The following LRRIQ1 variants were observed in gnomAD, a reference collection of about 807,000 sequenced individuals.
LRRIQ1 encodes the protein leucine-rich repeat- and IQ domain-containing protein 1.
In LRRIQ1, 210 loss-of-function variants were observed where a neutral mutation model predicts 211.9. The ratio of observed to expected loss-of-function variants is 0.99; its 90% CI spans 0.89 to 1.11. The LOEUF (loss-of-function observed/expected upper bound fraction) is 1.11, where lower values mean the gene tolerates loss of function less well. LRRIQ1 is among the 50% of genes most tolerant of loss of function. The pLI is 0.00. For synonymous variants in LRRIQ1, 699 were observed against 650.1 expected (o/e 1.08, Z -1.14); for missense variants, 2,136 against 1,939.5 (o/e 1.10, Z -1.90).
At chr12:85,250,975 A>T (rs1490745789) in intron 1 of LRRIQ1, among the ~76,000 whole-genome samples, 28 of 113,930 alleles carry the variant, frequency 2.5e-4, no homozygotes, top group Admixed American at 7.0e-4. Context: ...TATTATATAT[A>T]TTATAGATTA....
Position 85,160,625 on chromosome 12 carries a change from G to A in LRRIQ1, c.4733G>A (p.Arg1578His), listed in dbSNP as rs775269203. The change falls in exon 24 of 27, where the codon CGT becomes CAT. Residue 1578 changes from arginine (R) to histidine (H), a missense_variant. By Grantham distance (29) the Arg-to-His change is conservative. Coordinates refer to ENST00000393217, the MANE Select transcript of LRRIQ1 (RefSeq NM_001079910.2). ...KLKKKIDSTV[R>H]LALFKNNENK... ...TCGTTTTGTTTAGATTCCACTGTGC[G>A]TCTAGCCTTATTCAAAAACAATGAA... 1.2e-5 allele frequency: 19 copies of A among 1,604,314 alleles called. No individual in the cohort carries two copies. The highest frequency in any genetic ancestry group is 5.4e-5 in the African/African-American group (4 of 74,756).
intron 24 of LRRIQ1, among the ~76,000 whole-genome samples, chr12:85,217,696 ATGTATATATGTGTG>A (rs1433698289): frequency 6.9e-6 from 1 of 145,312 alleles, no homozygotes; most frequent in Admixed American, 7.0e-5. Flanking sequence ...ATGTGTATAT[ATGTATATATGTGTG>A]TGTATATATG....
At chr12:85,224,707 G>A (rs769280780) in intron 24 of LRRIQ1, among the ~76,000 whole-genome samples, 3 of 144,944 alleles carry the variant, frequency 2.1e-5, no homozygotes, top group Non-Finnish European at 3.0e-5. Context: ...ACACAGGGAG[G>A]GGGAAAACAC....
At chr12:85,217,587 T>C (rs1039626422) in intron 24 of LRRIQ1, among the ~76,000 whole-genome samples, 23 of 136,944 alleles carry the variant, frequency 1.7e-4, no homozygotes, top group Admixed American at 4.5e-4. Context: ...CATATGTATA[T>C]ATATATGTAT....
chr12:85,049,504 C>G (rs1366579200), intron 6 of LRRIQ1, among the ~76,000 whole-genome samples: 1 of 152,100 alleles, frequency 6.6e-6, no homozygotes, highest in Non-Finnish European at 1.5e-5. Context: ...CCTGCTTTTT[C>G]TATATGCTGA....
chr12:85,241,341 A>T (rs1335480805), intron 26 of LRRIQ1, among the ~76,000 whole-genome samples: 1 of 152,054 alleles, frequency 6.6e-6, no homozygotes, highest in Non-Finnish European at 1.5e-5. Context: ...ATAACAAGAC[A>T]TCTGTCTTAT....
chr12:85,150,291 G>C (rs1445730370), intron 19 of LRRIQ1, among the ~76,000 whole-genome samples: 2 of 151,562 alleles, frequency 1.3e-5, no homozygotes, highest in Non-Finnish European at 3.0e-5. Context: ...TTCAATTATA[G>C]CTGATATACT....
At chr12:85,147,544 A>T (rs1889970933) in intron 19 of LRRIQ1, among the ~76,000 whole-genome samples, 1 of 151,724 alleles carries the variant, frequency 6.6e-6, no homozygotes, top group Non-Finnish European at 1.5e-5. Flanking sequence ...CTGTTAAGCC[A>T]TTGGCAACAG....
At chr12:85,158,509 A>T (rs1208139371) in intron 23 of LRRIQ1, among the ~76,000 whole-genome samples, 1 of 152,022 alleles carries the variant, frequency 6.6e-6, no homozygotes, top group South Asian at 2.1e-4. Context: ...TTAGAATTAT[A>T]GAAGTTGAAA....
Position 85,056,377 on chromosome 12 carries a change from A to C in LRRIQ1, c.1584A>C (p.Gln528His). 1 of 1,591,440 alleles carries C rather than the reference A, an allele frequency of 6.3e-7. No individual in the cohort carries two copies. The highest frequency in any genetic ancestry group is 1.4e-5 in the African/African-American group (1 of 73,452). ...KGNLKEQFPL[Q>H]ELKSDAQKEE... ...ATCTGAAAGAACAGTTTCCATTGCA[A>C]GAATTAAAGTCTGATGCACAAAAAG... The change falls in exon 8 of 27, where the codon CAA (glutamine) becomes CAC (histidine). Residue 528 changes from glutamine to histidine, a missense_variant. Physicochemically the swap from Gln to His is conservative, Grantham distance 24 (BLOSUM62 0). Coordinates refer to ENST00000393217, the MANE Select transcript of LRRIQ1 (RefSeq NM_001079910.2).
Position 85,038,291 on chromosome 12 carries a change from A to G in LRRIQ1, c.115A>G (p.Ser39Gly). ...GAGTGATGCAAAATCAGAAACCCAG[A>G]GTGATGATAGTGATACAGTGAGTAT... ...IESDAKSETQ[S>G]DDSDTDSVEL... The change falls in exon 2 of 27, where the codon AGT becomes GGT. Residue 39 changes from serine (S) to glycine (G), a missense_variant. Transcript: ENST00000393217. The G allele has an allele frequency of 6.3e-7, 1 of 1,579,248 alleles. No homozygotes were observed. Among genetic ancestry groups the G allele is most frequent in the East Asian group, 2.4e-5 (1 of 42,522 alleles).
In LRRIQ1 at chr12:85,245,083, A is replaced by C; in HGVS notation, c.*142A>C. On this transcript the variant is annotated 3_prime_UTR_variant, in exon 27 of 27. Coordinates refer to ENST00000393217, the MANE Select transcript of LRRIQ1 (RefSeq NM_001079910.2). Reference sequence around the variant, plus strand: ...AAATATCCTCTTTTGATATAAACAAAATTAAATTATTTCTAAAATTAACTG... The same window carrying C: ...AAATATCCTCTTTTGATATAAACAACATTAAATTATTTCTAAAATTAACTG... 7.8e-7 allele frequency: 1 copy of C among 1,279,050 alleles called. No homozygotes were observed. Among genetic ancestry groups the C allele is most frequent in the South Asian group, 1.9e-5 (1 of 51,340 alleles). 79.2% of individuals were successfully genotyped at this position (1,279,050 alleles called of 1,614,324 possible).
At chr12:85,136,937 A>G (rs1397580779) in intron 18 of LRRIQ1, among the ~76,000 whole-genome samples, 1 of 151,710 alleles carries the variant, frequency 6.6e-6, no homozygotes, top group Non-Finnish European at 1.5e-5. Context: ...TTTGTTTCAC[A>G]GTTCTCTTAA....
intron 3 of LRRIQ1, among the ~76,000 whole-genome samples, chr12:85,041,314 G>A (rs1185538579): frequency 6.6e-6 from 1 of 151,692 alleles, no homozygotes; most frequent in East Asian, 1.9e-4. Flanking sequence ...GAACAAAACA[G>A]GCAAAGATTC....
intron 11 of LRRIQ1, among the ~76,000 whole-genome samples, chr12:85,083,626 G>C (rs1035160895): frequency 6.6e-6 from 1 of 151,994 alleles, no homozygotes; most frequent in Non-Finnish European, 1.5e-5. Flanking sequence ...TTTCAGTAGG[G>C]ACGGGGTTTC....
chr12:85,270,618 A>G, the LRRIQ1 span, among the ~76,000 whole-genome samples: 2 of 152,086 alleles, frequency 1.3e-5, no homozygotes, highest in Non-Finnish European at 2.9e-5. Context: ...CCATTTGTTA[A>G]TTATTTTTTC....
intron 11 of LRRIQ1, among the ~76,000 whole-genome samples, chr12:85,095,886 G>A (rs1433853533): frequency 1.3e-5 from 2 of 152,096 alleles, no homozygotes; most frequent in African/African-American, 4.8e-5. Context: ...TTGCAAGGTT[G>A]TGTGTTTCCA....
At chr12:85,171,751 A>G (rs1484340544) in intron 24 of LRRIQ1, among the ~76,000 whole-genome samples, 1 of 152,146 alleles carries the variant, frequency 6.6e-6, no homozygotes, top group Non-Finnish European at 1.5e-5. Flanking sequence ...TTAGAAGAGG[A>G]AGAGACACCA....
At chr12:85,114,700 C>G (rs1887449272) in intron 15 of LRRIQ1, among the ~76,000 whole-genome samples, 1 of 151,932 alleles carries the variant, frequency 6.6e-6, no homozygotes, top group African/African-American at 2.4e-5. Context: ...AATGATTTGG[C>G]TATAATTTCT....
Sources: gnomAD v4.1 joint callset for allele counts (sites outside exome capture counted in the v4.1 genomes callset) on GRCh38, gnomAD v4.1.1 for gene constraint, MANE v1.5 for transcripts, NCBI Gene and HGNC (gene_info 2026-07-23, HGNC 2026-07-21) for gene names.